The following ADGRA2 variants were observed in gnomAD, a reference collection of about 807,000 sequenced individuals.
The protein encoded by ADGRA2 is adhesion G protein-coupled receptor A2.
Under a neutral mutation model 98.7 loss-of-function variants are expected in ADGRA2, and 61 were observed. The ratio of observed to expected loss-of-function variants is 0.62; its 90% CI spans 0.50 to 0.76. The LOEUF (loss-of-function observed/expected upper bound fraction) is 0.76. ADGRA2 is among the 30% of genes least tolerant of loss of function. The pLI is 0.00. For synonymous variants in ADGRA2, 858 were observed against 831.5 expected, an observed-to-expected ratio of 1.03 and a Z score of -0.55; for missense variants, 1,712 against 1,860.0, an observed-to-expected ratio of 0.92 and a Z score of 1.46.
rs1805753488 is a variant in ADGRA2, at chr8:37,840,354, T to C, written c.2657+88T>C. ...TCCCAAGGTGGGTGAAGGGTGAGTC[T>C]AAGGTCCCTGGGAGATCACTCTCCA... On this transcript the variant is annotated intron_variant, in intron 17 of 18. Transcript: ENST00000412232. The C allele has an allele frequency of 2.1e-6, 3 of 1,405,898 alleles. No individual in the cohort carries two copies. The African/African-American group carries it at 4.2e-5, about 20-fold the overall frequency. The allele number at this position is 1,405,898 out of a possible 1,614,324, so 87.1% of individuals were successfully genotyped here.
At chr8:37,826,126 G>A (rs1274839227) in intron 2 of ADGRA2, among the ~76,000 whole-genome samples, 1 of 152,188 alleles carries the variant, frequency 6.6e-6, no homozygotes, top group Non-Finnish European at 1.5e-5. Flanking sequence ...ACACAAGTGA[G>A]CGGGGAGGGA....
Position 37,820,504 on chromosome 8 carries a change from A to G in ADGRA2, c.338+5537A>G, listed in dbSNP as rs545369570. On this transcript the variant is annotated intron_variant, in intron 2 of 18. Coordinates refer to ENST00000412232, the MANE Select transcript of ADGRA2 (RefSeq NM_032777.10). ...CTAGACTGAGGGCCTATTCATCAGG[A>G]ATAAGACTCCATGGGCTGGCATGTA... Among the ~76,000 whole-genome samples the G allele has an allele frequency of 2.0e-5, 3 of 152,316 alleles. No individual in the cohort carries two copies. In the South Asian group the frequency reaches 6.2e-4, roughly 32 times the overall value.
chr8:37,797,511 T>A lies in ADGRA2; in HGVS notation c.243T>A (p.Leu81=). 7.1e-7 allele frequency: 1 copy of A among 1,404,542 alleles called. No homozygotes were observed. The highest frequency in any genetic ancestry group is 1.8e-5 in the South Asian group (1 of 56,598). 87.0% of individuals were successfully genotyped at this position (1,404,542 alleles called of 1,614,324 possible). The stretch of plus-strand genomic sequence containing the variant: ...TCCCGGAGCCTCCCGAGCCCGGCCT[T>A]CTGCCTAACGGCACCGTTACCCTGT... ...GDLPEPPEPG[L]LPNGTVTLLL... is the part of the protein sequence containing the mutation. The change falls in exon 1 of 19, where the codon CTT becomes CTA. Residue 81 remains leucine, a synonymous_variant. Transcript: ENST00000412232. This position sits in a 1 kb window ranked among gnomAD's most constrained non-coding sequence, Gnocchi z 5.3.
intron 1 of ADGRA2, among the ~76,000 whole-genome samples, chr8:37,811,297 G>A (rs1349790416): frequency 6.8e-6 from 1 of 148,062 alleles, no homozygotes; most frequent in African/African-American, 2.5e-5. Context: ...AGCCTCCCAA[G>A]TGGCTGGGAT....
At chr8:37,819,197 G>A (rs773955209) in intron 2 of ADGRA2, among the ~76,000 whole-genome samples, 176 of 152,252 alleles carry the variant, frequency 1.2e-3, no homozygotes, top group Non-Finnish European at 2.2e-3. Context: ...CGCCCATAAG[G>A]AGAAGATAAT....
At position 37,797,301 on chromosome 8, in the gene ADGRA2, G is replaced by T. The variant is rs1804356195; in HGVS notation, c.33G>T (p.Ala11=). The T allele has an allele frequency of 1.5e-6, 2 of 1,311,564 alleles. No homozygotes were observed. The highest frequency in any genetic ancestry group is 1.9e-6 in the Non-Finnish European group (2 of 1,037,692). The allele number at this position is 1,311,564 out of a possible 1,614,324, so 81.2% of individuals were successfully genotyped here. A position where few individuals can be genotyped will look rare whatever the true frequency, so the allele number is the denominator to read the frequency against. The part of the protein sequence containing the change: MGAGGRRMRG[A]PARLLLPLLP... ...CCGGGGGACGCAGGATGCGGGGGGC[G>T]CCCGCGCGCCTGCTGCTGCCGCTGC... Residue 11 remains alanine (A), a synonymous_variant, in exon 1 of 19, where the codon GCG becomes GCT. Transcript: ENST00000412232. The surrounding 1 kb of genome is among the most constrained non-coding windows in gnomAD (Gnocchi z 5.3).
intron 2 of ADGRA2, among the ~76,000 whole-genome samples, chr8:37,824,489 A>ATTTTTTTTTTT: frequency 8.7e-6 from 1 of 114,686 alleles, no homozygotes; most frequent in African/African-American, 3.4e-5. Context: ...CTAAGGTGCA[A>ATTTTTTTTTTT]TTTTTTTTTT....
At chr8:37,806,425 G>C (rs1161213287) in intron 1 of ADGRA2, among the ~76,000 whole-genome samples, 1 of 151,478 alleles carries the variant, frequency 6.6e-6, no homozygotes, top group Non-Finnish European at 1.5e-5. Context: ...ACCCCCAACT[G>C]TTTCCTCTTC....
intron 1 of ADGRA2, among the ~76,000 whole-genome samples, chr8:37,799,124 C>T (rs184215060): frequency 6.6e-6 from 1 of 152,132 alleles, no homozygotes; most frequent in Non-Finnish European, 1.5e-5. Context: ...GGCCTGTAAT[C>T]CCAGCACTTT....
intron 17 of ADGRA2, among the ~76,000 whole-genome samples, 192 bp from the exon 18 acceptor site, chr8:37,840,568 C>A (rs1188041162): frequency 6.6e-6 from 1 of 152,146 alleles, no homozygotes; most frequent in Non-Finnish European, 1.5e-5. Flanking sequence ...GCAATTCTGG[C>A]CTCTGCCCCT....
In ADGRA2 at chr8:37,797,378, G is replaced by A; in HGVS notation, c.110G>A (p.Cys37Tyr). 7.0e-7 allele frequency: 1 copy of A among 1,428,846 alleles called. No individual in the cohort carries two copies. 88.5% of individuals were successfully genotyped at this position (1,428,846 alleles called of 1,614,324 possible). A position where few individuals can be genotyped will look rare whatever the true frequency, so the allele number is the denominator to read the frequency against. The change falls in exon 1 of 19, where the codon TGC becomes TAC. Residue 37 changes from cysteine (C) to tyrosine (Y), a missense_variant. By Grantham distance (194) the Cys-to-Tyr change is radical. Transcript: ENST00000412232. This position sits in a 1 kb window ranked among gnomAD's most constrained non-coding sequence, Gnocchi z 5.3. The stretch of plus-strand genomic sequence containing the variant: ...CCCGAGGCTCGGGGCGCGCCCGGCT[G>A]CCCGCTATCCATCCGCAGCTGCAAG... ...LAPEARGAPGCPLSIRSCKCS... is the reference protein window; with the variant it reads ...LAPEARGAPGYPLSIRSCKCS...
intron 1 of ADGRA2, among the ~76,000 whole-genome samples, chr8:37,813,354 C>A (rs1225833971): frequency 1.3e-5 from 2 of 152,194 alleles, no homozygotes; most frequent in Non-Finnish European, 2.9e-5. Flanking sequence ...GATTATGATT[C>A]ATCACCAACA....
rs1202448627 is a variant in ADGRA2, at chr8:37,830,882, C to T, written c.891C>T (p.Leu297=). Residue 297 remains leucine, a synonymous_variant, in exon 7 of 19, where the codon CTC becomes CTT. Transcript: ENST00000412232. This position sits in a 1 kb window ranked among gnomAD's most constrained non-coding sequence, Gnocchi z 4.8. ...AGGGTGATGAGCAGGCGGGCATCCT[C>T]CTGGCCGAGAGCCTCATCCACGACT... The part of the protein sequence containing the change: ...PVEGDEQAGI[L]LAESLIHDCT... 1.3e-6 allele frequency: 2 copies of T among 1,590,172 alleles called. No homozygotes were observed. Among genetic ancestry groups the T allele is most frequent in the Admixed American group, 1.8e-5 (1 of 56,978 alleles).
chr8:37,799,957 G>A (rs1803941474), intron 1 of ADGRA2, among the ~76,000 whole-genome samples: 1 of 152,124 alleles, frequency 6.6e-6, no homozygotes, highest in African/African-American at 2.4e-5. Context: ...GAAAGAAAAA[G>A]AACCCAGGCT....
chr8:37,821,165 A>T (rs555453275), intron 2 of ADGRA2, among the ~76,000 whole-genome samples: 2 of 152,260 alleles, frequency 1.3e-5, no homozygotes, highest in Admixed American at 6.5e-5. Flanking sequence ...GCTGGACTCC[A>T]TTTGGTGTGA....
chr8:37,835,784 T>C lies in ADGRA2; in HGVS notation c.2050+14T>C, dbSNP rs10101560. The C allele has an allele frequency of 0.94, 1,486,267 of 1,580,534 alleles. 699,259 individuals are homozygous for C. Among genetic ancestry groups the C allele is most frequent in the East Asian group, 1 (44,622 of 44,632 alleles). Reference sequence around the variant, plus strand: ...TCGCAGGAACCAGTAAGGGACTGAATTCCCCGCCCCGCCCAGGGTGCCTCT... The same window carrying C: ...TCGCAGGAACCAGTAAGGGACTGAACTCCCCGCCCCGCCCAGGGTGCCTCT... On this transcript the variant is annotated intron_variant, in intron 13 of 18. Coordinates refer to ENST00000412232, the MANE Select transcript of ADGRA2 (RefSeq NM_032777.10).
intron 13 of ADGRA2, 84 bp from the exon 14 acceptor site, chr8:37,837,647 A>C: frequency 8.8e-7 from 1 of 1,140,102 alleles, no homozygotes; most frequent in Non-Finnish European, 1.3e-6. Flanking sequence ...ACACCCTGTC[A>C]CTGCTGCTGC....
intron 3 of ADGRA2, 144 bp downstream of exon 3, chr8:37,829,103 A>G (rs1585395998): frequency 1.3e-6 from 1 of 753,930 alleles, no homozygotes; most frequent in Non-Finnish European, 2.1e-6. Context: ...GGGTCAAAGG[A>G]GCTGGCATTT....
In ADGRA2 at chr8:37,841,514, C is replaced by T. The variant is rs1202308149; in HGVS notation, c.3176C>T (p.Ser1059Phe). Residue 1059 changes from serine to phenylalanine, a missense_variant, in exon 19 of 19, where the codon TCC becomes TTC. Coordinates refer to ENST00000412232, the MANE Select transcript of ADGRA2 (RefSeq NM_032777.10). This position sits in a 1 kb window ranked among gnomAD's most constrained non-coding sequence, Gnocchi z 5.0. ...AGCTGCTTGTACGGGGTGGCAGCCTCCGCCCTGGGCCTCTTCGTCTTCACT... is the reference window on the plus strand; with the variant it reads ...AGCTGCTTGTACGGGGTGGCAGCCTTCGCCCTGGGCCTCTTCGTCTTCACT... ...VCSCLYGVAA[S>F]ALGLFVFTHH... 6.2e-7 allele frequency: 1 copy of T among 1,612,666 alleles called. No homozygotes were observed. The highest frequency in any genetic ancestry group is 8.5e-7 in the Non-Finnish European group (1 of 1,179,836).
Sources: allele counts gnomAD v4.1 joint callset (sites outside exome capture counted in the v4.1 genomes callset), GRCh38; gene constraint gnomAD v4.1.1; non-coding constraint Gnocchi (gnomAD v3.1); transcripts MANE v1.5; gene names NCBI Gene and HGNC (gene_info 2026-07-23, HGNC 2026-07-21).